TAF9B: variants seen among roughly 807,000 people sequenced by gnomAD.
TAF9B encodes TATA-box binding protein associated factor 9b, also known as transcription initiation factor TFIID subunit 9B.
In TAF9B, 47 loss-of-function variants were observed where a neutral mutation model predicts 17.6. The ratio of observed to expected loss-of-function variants is 2.68; its 90% CI spans 2.12 to 3.41. The LOEUF is 3.41. TAF9B is among the 30% of genes most tolerant of loss of function. TAF9B has a pLI of 0.00. For missense variants in TAF9B, 218 were observed against 189.3 expected (o/e 1.15, Z -0.89); for synonymous variants, 84 against 68.7 (o/e 1.22, Z -1.10).
chrX:78,132,447 T>A (rs955296860), intron 6 of TAF9B, among the ~76,000 whole-genome samples: 18 of 112,024 alleles, frequency 1.6e-4, no homozygotes, highest in African/African-American at 5.8e-4. Context: ...GGATTCATCA[T>A]GCAACATATT....
At chrX:78,136,237 T>C (rs2078433985) in intron 5 of TAF9B, among the ~76,000 whole-genome samples, 1 of 111,825 alleles carries the variant, frequency 8.9e-6, no homozygotes, top group African/African-American at 3.2e-5. Flanking sequence ...AAGAAACAAA[T>C]AATGGTTTCT....
intron 6 of TAF9B, among the ~76,000 whole-genome samples, chrX:78,132,221 T>G (rs891464585): frequency 8.1e-5 from 9 of 111,271 alleles, no homozygotes; most frequent in Admixed American, 7.7e-4. Context: ...CTCGAACTCC[T>G]GGCCTCAAGT....
chrX:78,133,064 T>A (rs1322336256), intron 6 of TAF9B, among the ~76,000 whole-genome samples: 2 of 112,000 alleles, frequency 1.8e-5, no homozygotes, highest in African/African-American at 6.5e-5. Context: ...TTAAACCTTA[T>A]AATTTAGAAA....
Position 78,131,667 on chromosome X carries a change from A to G in TAF9B, c.699T>C (p.Asn233=). Residue 233 remains asparagine, a synonymous_variant, in exon 7 of 7, where the codon AAT becomes AAC. Transcript: ENST00000341864. ...TNMVSSQNTA[N]EANPLKRKHE... ...GTTTTCTCTTCAGTGGGTTTGCTTC[A>G]TTGGCTGTGTTCTGTGACGAAACCA... The G allele has an allele frequency of 1.7e-6, 2 of 1,210,859 alleles. No homozygotes were observed. The highest frequency in any genetic ancestry group is 2.2e-6 in the Non-Finnish European group (2 of 894,900).
chrX:78,132,459 A>C (rs187085854), intron 6 of TAF9B, among the ~76,000 whole-genome samples: 1 of 111,843 alleles, frequency 8.9e-6, no homozygotes, highest in Non-Finnish European at 1.9e-5. Context: ...CAACATATTA[A>C]ACAAAGGCCT....
chrX:78,139,411 G>A, intron 1 of TAF9B, 150 bp downstream of exon 1: 1 of 853,427 alleles, frequency 1.2e-6, no homozygotes, highest in Non-Finnish European at 1.6e-6. Context: ...CCGGGGGCCA[G>A]GGCGCATCCC....
Position 78,131,406 on chromosome X carries a change from A to G in TAF9B, c.*204T>C. 1 of 312,554 alleles carries G rather than the reference A, an allele frequency of 3.2e-6. No individual in the cohort carries two copies. Among genetic ancestry groups the G allele is most frequent in the Non-Finnish European group, 5.5e-6 (1 of 180,251 alleles). 25.8% of individuals were successfully genotyped at this position (312,554 alleles called of 1,213,427 possible). ...ACATTAATGAAACTATTAAGAAACA[A>G]GTACTTAACTGTTTGTAATTGAAGC... On this transcript the variant is annotated 3_prime_UTR_variant, in exon 7 of 7. Transcript: ENST00000341864.
In TAF9B at chrX:78,136,898, T is replaced by C; in HGVS notation, c.481+17A>G. 1 of 1,166,728 alleles carries C rather than the reference T, an allele frequency of 8.6e-7. No homozygotes were observed. The highest frequency in any genetic ancestry group is 1.2e-6 in the Non-Finnish European group (1 of 856,737). ...CTGCTTTACCAGCCAGAAATGCCAT[T>C]GTCTCCTCTCACTTACCTATAGTAG... On this transcript the variant is annotated intron_variant, in intron 5 of 6. Transcript: ENST00000341864.
chrX:78,138,844 G>C lies in TAF9B; in HGVS notation c.132C>G (p.Phe44Leu). 8.3e-7 allele frequency: 1 copy of C among 1,198,022 alleles called. No individual in the cohort carries two copies. Among genetic ancestry groups the C allele is most frequent in the Non-Finnish European group, 1.1e-6 (1 of 883,228 alleles). ...GTTTTTGGTGTTTCATTAACTTACG[G>C]AAAGCAAATTCCAACATTTGATTTA... The part of the protein sequence containing the change: ...RVINQMLEFA[F>L]RYVTTILDDA... Residue 44 changes from phenylalanine to leucine, a missense_variant and splice_region_variant, in exon 2 of 7, where the codon TTC becomes TTG. Physicochemically the swap from Phe to Leu is conservative, Grantham distance 22. Coordinates refer to ENST00000341864, the MANE Select transcript of TAF9B (RefSeq NM_015975.5).
In TAF9B at chrX:78,139,622, C is replaced by T. The variant is rs782271092; in HGVS notation, c.-11G>A. 1 of 1,211,524 alleles carries T rather than the reference C, an allele frequency of 8.3e-7. No individual in the cohort carries two copies. Among genetic ancestry groups the T allele is most frequent in the South Asian group, 1.8e-5 (1 of 56,963 alleles). On this transcript the variant is annotated 5_prime_UTR_variant, in exon 1 of 7. Coordinates refer to ENST00000341864, the MANE Select transcript of TAF9B (RefSeq NM_015975.5). ...CTTGCCCGACTCCATGTTATCCAGC[C>T]ACTCGTCATCCGCGGAGACAGAGGA...
rs2078403130 is a variant in TAF9B, at chrX:78,130,147, GAC to G, written c.*1461_*1462del. 1 of 112,290 alleles carries G rather than the reference GAC, an allele frequency of 8.9e-6. No homozygotes were observed. The allele number at this position is 112,290 out of a possible 1,213,427, so 9.3% of individuals were successfully genotyped here. ...ACTAAAACTGATACGAGACATTTGA[GAC>G]ATTTCTTCTCTGTTACTGGACTTTC... On this transcript the variant is annotated 3_prime_UTR_variant, in exon 7 of 7. Transcript: ENST00000341864.
chrX:78,133,339 TG>T lies in TAF9B; in HGVS notation c.590del (p.Pro197GlnfsTer12). ...GTCCCCCACTCCCAATCACATTACC[TG>T]GTTTGACAGGTGTGGACTGAGAAGG... ...IPPSQSTPVK[P>X]VPATTAVQNV... On this transcript the variant is annotated frameshift_variant and splice_region_variant, in exon 6 of 7. Coordinates refer to ENST00000341864, the MANE Select transcript of TAF9B (RefSeq NM_015975.5). LOFTEE classifies it high-confidence loss of function. 2 of 1,201,979 alleles carry T rather than the reference TG, an allele frequency of 1.7e-6. No homozygotes were observed. The highest frequency in any genetic ancestry group is 2.3e-6 in the Non-Finnish European group (2 of 887,077).
At position 78,131,301 on chromosome X, in the gene TAF9B, G is replaced by T. The variant is rs1444014961; in HGVS notation, c.*309C>A. 2.5e-5 allele frequency: 4 copies of T among 159,538 alleles called. No individual in the cohort carries two copies. Among genetic ancestry groups the T allele is most frequent in the Non-Finnish European group, 4.7e-5 (4 of 84,992 alleles). 13.1% of individuals were successfully genotyped at this position (159,538 alleles called of 1,213,427 possible). A position where few individuals can be genotyped will look rare whatever the true frequency, so the allele number is the denominator to read the frequency against. ...AGATAAATCTGCTGACTAGGCTGTA[G>T]AATCTGAAACTTAAATGCTACTATC... is the stretch of plus-strand genomic sequence containing the variant. On this transcript the variant is annotated 3_prime_UTR_variant, in exon 7 of 7. Transcript: ENST00000341864.
In TAF9B at chrX:78,137,886, T is replaced by TA. The variant is rs201949818; in HGVS notation, c.271-4dup. ...TGCCTTGCGATATCCAGTAAAAACTTAAAAAAAAAATCCTTATTAGAACTA... is the reference window on the plus strand; with the variant it reads ...TGCCTTGCGATATCCAGTAAAAACTTAAAAAAAAAAATCCTTATTAGAACTA... On this transcript the variant is annotated splice_polypyrimidine_tract_variant and splice_region_variant and intron_variant, in intron 3 of 6. Coordinates refer to ENST00000341864, the MANE Select transcript of TAF9B (RefSeq NM_015975.5). 114 of 1,140,671 alleles carry TA rather than the reference T, an allele frequency of 1.0e-4. No homozygotes were observed. The highest frequency in any genetic ancestry group is 7.5e-4 in the Middle Eastern group (3 of 4,023). 94.0% of individuals were successfully genotyped at this position (1,140,671 alleles called of 1,213,427 possible).
Position 78,133,425 on chromosome X carries a change from G to A in TAF9B, c.505C>T (p.Pro169Ser), listed in dbSNP as rs2078422008. The A allele has an allele frequency of 8.3e-7, 1 of 1,209,336 alleles. No individual in the cohort carries two copies. Among genetic ancestry groups the A allele is most frequent in the South Asian group, 1.8e-5 (1 of 56,887 alleles). The change falls in exon 6 of 7, where the codon CCA becomes TCA. Residue 169 changes from proline to serine, a missense_variant. Pro to Ser is a moderately conservative substitution (Grantham distance 74). Coordinates refer to ENST00000341864, the MANE Select transcript of TAF9B (RefSeq NM_015975.5). ...GACATTGGAGTTGCAACTTTATTTGGGACAGACACCGTTTGTGGGGTTGCT... is the reference window on the plus strand; with the variant it reads ...GACATTGGAGTTGCAACTTTATTTGAGACAGACACCGTTTGTGGGGTTGCT... The part of the protein sequence containing the change: ...TIATPQTVSV[P>S]NKVATPMSVT...
chrX:78,138,209 G>T, intron 2 of TAF9B, 111 bp from the exon 3 acceptor site: 1 of 929,145 alleles, frequency 1.1e-6, no homozygotes, highest in Non-Finnish European at 1.5e-6. Context: ...TAAATTTTGT[G>T]GGTTTTTGTA....
At chrX:78,132,182 C>T (rs1393562960) in intron 6 of TAF9B, among the ~76,000 whole-genome samples, 9 of 110,358 alleles carry the variant, frequency 8.2e-5, no homozygotes, top group Non-Finnish European at 1.5e-4. Flanking sequence ...TCAGTAGAGA[C>T]GGGGTTTCAC....
chrX:78,133,366 T>G lies in TAF9B; in HGVS notation c.564A>C (p.Pro188=), dbSNP rs2078421642. The G allele has an allele frequency of 3.3e-6, 4 of 1,210,996 alleles. No homozygotes were observed. Among genetic ancestry groups the G allele is most frequent in the Non-Finnish European group, 4.5e-6 (4 of 894,598 alleles). ...GTTTGACAGGTGTGGACTGAGAAGG[T>G]GGAATCTGCACCGTAAATCTTTGGC... ...VTSQRFTVQI[P]PSQSTPVKPV... is the part of the protein sequence containing the mutation. The change falls in exon 6 of 7, where the codon CCA becomes CCC. Residue 188 remains proline, a synonymous_variant. Transcript: ENST00000341864.
chrX:78,139,649 A>C lies in TAF9B; in HGVS notation c.-38T>G, dbSNP rs1569551073. ...CTCGTCATCCGCGGAGACAGAGGAG[A>C]GAGGAGAGCTCGCGGGCTCCTCGCT... On this transcript the variant is annotated 5_prime_UTR_variant, in exon 1 of 7. Transcript: ENST00000341864. 5.8e-6 allele frequency: 7 copies of C among 1,208,418 alleles called. No individual in the cohort carries two copies. In the South Asian group the frequency reaches 1.2e-4, roughly 21 times the overall value.
Sources: allele counts gnomAD v4.1 joint callset (sites outside exome capture counted in the v4.1 genomes callset), GRCh38; gene constraint gnomAD v4.1.1; transcripts MANE v1.5; gene names NCBI Gene and HGNC (gene_info 2026-07-23, HGNC 2026-07-21).